Variants in MMP16 observed in about 807,000 individuals in gnomAD.
MMP16 encodes the protein matrix metallopeptidase 16.
In MMP16, 12 loss-of-function variants were observed where a neutral mutation model predicts 67.8. The observed-to-expected ratio is 0.18, with a 90% CI of 0.11 to 0.29. The LOEUF (loss-of-function observed/expected upper bound fraction) is 0.29, where lower values mean the gene tolerates loss of function less well. Among genes scored for constraint, MMP16 ranks in the 10% least tolerant of loss-of-function variants. The pLI, the probability that MMP16 is intolerant of heterozygous loss-of-function variation, is 1.00. For missense variants in MMP16, 475 were observed against 765.7 expected (o/e 0.62, Z 4.48); for synonymous variants, 249 against 255.9 (o/e 0.97, Z 0.26).
intron 1 of MMP16, among the ~76,000 whole-genome samples, chr8:88,312,938 C>G (rs1468838958): frequency 6.6e-6 from 1 of 152,086 alleles, no homozygotes; most frequent in Non-Finnish European, 1.5e-5. Context: ...TGAGCCATTG[C>G]ACTCCAGCCT....
intron 4 of MMP16, among the ~76,000 whole-genome samples, chr8:88,125,004 C>T (rs1215255065): frequency 6.6e-6 from 1 of 151,840 alleles, no homozygotes; most frequent in Non-Finnish European, 1.5e-5. Context: ...TCTCAAAGGC[C>T]TGATCTCCAA....
intron 4 of MMP16, among the ~76,000 whole-genome samples, chr8:88,160,678 G>C (rs1278714933): frequency 6.6e-6 from 1 of 152,188 alleles, no homozygotes; most frequent in East Asian, 1.9e-4. Context: ...CTTTTACACT[G>C]TTGGTGGGAC....
intron 1 of MMP16, among the ~76,000 whole-genome samples, chr8:88,240,823 T>G (rs1413289289): frequency 6.6e-6 from 1 of 152,188 alleles, no homozygotes; most frequent in Non-Finnish European, 1.5e-5. Flanking sequence ...TTCTATTTTA[T>G]AATTATTAAT....
chr8:88,252,625 CAG>C (rs1431463935), intron 1 of MMP16, among the ~76,000 whole-genome samples: 12 of 128,046 alleles, frequency 9.4e-5, no homozygotes, highest in Non-Finnish European at 1.3e-4. Flanking sequence ...ATTTCAGAAA[CAG>C]GGGTTTTCCA....
chr8:88,051,821 T>A (rs1808274816), intron 8 of MMP16, among the ~76,000 whole-genome samples: 2 of 152,274 alleles, frequency 1.3e-5, no homozygotes, highest in South Asian at 4.1e-4. Context: ...GTCTTAGATA[T>A]GTTTGTGAGA....
chr8:88,086,656 A>G (rs1270738068), intron 6 of MMP16, among the ~76,000 whole-genome samples: 1 of 151,872 alleles, frequency 6.6e-6, no homozygotes, highest in African/African-American at 2.4e-5. Flanking sequence ...CTAAAGAAAG[A>G]TGTCTTACAT....
intron 8 of MMP16, among the ~76,000 whole-genome samples, chr8:88,055,610 A>G (rs753573742): frequency 6.6e-6 from 1 of 152,244 alleles, no homozygotes; most frequent in Non-Finnish European, 1.5e-5. Context: ...GGGAAAAAAT[A>G]TTATACTTCA....
chr8:88,234,363 G>T (rs1809908457), intron 1 of MMP16, among the ~76,000 whole-genome samples: 1 of 152,118 alleles, frequency 6.6e-6, no homozygotes, highest in African/African-American at 2.4e-5. Flanking sequence ...AATAAAAGTT[G>T]AAGTATTTTG....
intron 1 of MMP16, among the ~76,000 whole-genome samples, chr8:88,207,064 A>G (rs913284913): frequency 1.3e-5 from 2 of 152,216 alleles, no homozygotes; most frequent in African/African-American, 4.8e-5. Flanking sequence ...GAAATATCAA[A>G]AAACTCTAAA....
intron 4 of MMP16, among the ~76,000 whole-genome samples, chr8:88,142,567 CAA>C (rs1183840424): frequency 6.6e-6 from 1 of 151,710 alleles, no homozygotes; most frequent in Non-Finnish European, 1.5e-5. Flanking sequence ...AAAATTTACA[CAA>C]AGATATTGTT....
intron 7 of MMP16, among the ~76,000 whole-genome samples, chr8:88,070,445 G>C (rs1196429024): frequency 6.6e-6 from 1 of 152,226 alleles, no homozygotes; most frequent in South Asian, 2.1e-4. Flanking sequence ...CTCCGTGAGT[G>C]TCAGGCACTG....
chr8:88,262,251 G>A (rs1166571974), intron 1 of MMP16, among the ~76,000 whole-genome samples: 1 of 152,188 alleles, frequency 6.6e-6, no homozygotes, highest in Non-Finnish European at 1.5e-5. Flanking sequence ...TTTATCAAAC[G>A]TGGCATAGTG....
At chr8:88,103,939 G>C (rs1190858895) in intron 6 of MMP16, among the ~76,000 whole-genome samples, 5 of 151,680 alleles carry the variant, frequency 3.3e-5, no homozygotes, top group Non-Finnish European at 7.4e-5. Flanking sequence ...GGACACCTTT[G>C]CTAGCCAGGT....
At chr8:88,266,920 T>G (rs1327323725) in intron 1 of MMP16, among the ~76,000 whole-genome samples, 2 of 152,200 alleles carry the variant, frequency 1.3e-5, no homozygotes, top group East Asian at 3.9e-4. Flanking sequence ...TCACAAAAAC[T>G]GGTCACATGA....
At chr8:88,133,214 A>C (rs1808062428) in intron 4 of MMP16, among the ~76,000 whole-genome samples, 1 of 141,062 alleles carries the variant, frequency 7.1e-6, no homozygotes, top group South Asian at 2.3e-4. Flanking sequence ...CATTACCTTT[A>C]TTAAATTTGA....
intron 1 of MMP16, among the ~76,000 whole-genome samples, chr8:88,242,620 T>A (rs566278537): frequency 1.3e-5 from 2 of 152,292 alleles, no homozygotes; most frequent in South Asian, 4.1e-4. Flanking sequence ...TAACTTACAC[T>A]GAGTCACAGT....
At chr8:88,147,898 T>C (rs373333665) in intron 4 of MMP16, among the ~76,000 whole-genome samples, 1 of 152,146 alleles carries the variant, frequency 6.6e-6, no homozygotes, top group African/African-American at 2.4e-5. Context: ...AAGTATACTT[T>C]GCACTTTGCA....
chr8:88,319,457 T>C (rs1811424983), intron 1 of MMP16, among the ~76,000 whole-genome samples: 1 of 150,272 alleles, frequency 6.7e-6, no homozygotes, highest in Non-Finnish European at 1.5e-5. Context: ...ATGAAGCAAG[T>C]AGAGCGTGAG....
chr8:88,105,375 CTGTT>C (rs549193891), intron 6 of MMP16, among the ~76,000 whole-genome samples: 2 of 151,358 alleles, frequency 1.3e-5, no homozygotes, highest in Non-Finnish European at 3.0e-5. Flanking sequence ...GCACATTCTC[CTGTT>C]TGTTGTAACG....
Sources: gnomAD v4.1 joint callset for allele counts (sites outside exome capture counted in the v4.1 genomes callset) on GRCh38, gnomAD v4.1.1 for gene constraint, MANE v1.5 for transcripts, NCBI Gene and HGNC (gene_info 2026-07-23, HGNC 2026-07-21) for gene names.